TNR: variants seen among roughly 807,000 people sequenced by gnomAD.
TNR encodes the protein tenascin R, also known as tenascin-R.
In TNR, 45 loss-of-function variants were observed where a neutral mutation model predicts 150.4. That is an observed-to-expected ratio of 0.30 (90% CI 0.24 to 0.38). TNR has a LOEUF of 0.38. Ranked by LOEUF, TNR falls within the 10% of genes least tolerant of loss-of-function variation. The pLI is 1.00. For missense variants in TNR, 1,544 were observed against 1,759.1 expected, an observed-to-expected ratio of 0.88 and a Z score of 2.19; for synonymous variants, 687 against 678.4, an observed-to-expected ratio of 1.01 and a Z score of -0.20.
chr1:175,672,550 C>G (rs561390691), intron 1 of TNR, among the ~76,000 whole-genome samples: 1 of 152,206 alleles, frequency 6.6e-6, no homozygotes, highest in Non-Finnish European at 1.5e-5. Flanking sequence ...AGCCTTCACT[C>G]TCCATCCAAA....
At chr1:175,359,013 T>C (rs1345068278) in intron 15 of TNR, among the ~76,000 whole-genome samples, 4 of 152,142 alleles carry the variant, frequency 2.6e-5, no homozygotes, top group Non-Finnish European at 5.9e-5. Flanking sequence ...GTTCTGAGTT[T>C]CATCTTCCTA....
intron 1 of TNR, among the ~76,000 whole-genome samples, chr1:175,573,940 A>G (rs1237026708): frequency 1.3e-5 from 2 of 152,130 alleles, no homozygotes; most frequent in Non-Finnish European, 2.9e-5. Flanking sequence ...TAAAAACAAA[A>G]AACCTCAGTC....
intron 2 of TNR, among the ~76,000 whole-genome samples, chr1:175,479,641 G>A (rs901615530): frequency 5.9e-5 from 9 of 152,092 alleles, no homozygotes. Flanking sequence ...TCGGCCCCAC[G>A]TACTGCCTTG....
chr1:175,600,215 T>A (rs1663182922), intron 1 of TNR, among the ~76,000 whole-genome samples: 1 of 152,212 alleles, frequency 6.6e-6, no homozygotes, highest in Non-Finnish European at 1.5e-5. Flanking sequence ...AAAGAGGTGT[T>A]ATGAGGTGTA....
In TNR at chr1:175,324,455, T is replaced by G; in HGVS notation, c.3858A>C (p.Ala1286=). ...TGTACGACATGGCACAGTTAGTCAC[T>G]GCAACATCATTGTCTCTATCCTCTG... ...FSTEDRDNDV[A]VTNCAMSYKG... Residue 1286 remains alanine, a synonymous_variant, in exon 22 of 23, where the codon GCA becomes GCC. Coordinates refer to ENST00000367674, the MANE Select transcript of TNR (RefSeq NM_003285.3). 1.2e-6 allele frequency: 2 copies of G among 1,614,150 alleles called. No homozygotes were observed. Among genetic ancestry groups the G allele is most frequent in the Non-Finnish European group, 1.7e-6 (2 of 1,180,002 alleles).
chr1:175,334,240 T>G (rs189086983), intron 20 of TNR, among the ~76,000 whole-genome samples: 179 of 152,356 alleles, frequency 1.2e-3, no homozygotes, highest in African/African-American at 4.2e-3. Flanking sequence ...ACTGGCTGGC[T>G]GCCCTCCTCA....
In TNR at chr1:175,356,168, A is replaced by G. The variant is rs1571331618; in HGVS notation, c.3118+151T>C. The G allele has an allele frequency of 9.2e-6, 10 of 1,086,948 alleles. No homozygotes were observed. In the East Asian group the frequency reaches 2.5e-4, roughly 27 times the overall value. 67.3% of individuals were successfully genotyped at this position (1,086,948 alleles called of 1,614,324 possible). On this transcript the variant is annotated intron_variant, in intron 16 of 22. Transcript: ENST00000367674. ...TGGCCAAAAGTTGCAGCTTAGTTTC[A>G]CTGAATTTGGGCTGTAGTCAGTCCA... is the stretch of plus-strand genomic sequence containing the variant.
chr1:175,375,761 C>G (rs1369701059), intron 9 of TNR, among the ~76,000 whole-genome samples: 1 of 152,122 alleles, frequency 6.6e-6, no homozygotes, highest in Non-Finnish European at 1.5e-5. Context: ...CCAGCAAAGG[C>G]CAGGCTGCCA....
At chr1:175,570,910 T>C (rs914013434) in intron 1 of TNR, among the ~76,000 whole-genome samples, 45 of 152,202 alleles carry the variant, frequency 3.0e-4, no homozygotes, top group South Asian at 2.1e-4. Flanking sequence ...GGTTTTTTCA[T>C]TGGAGGCTAC....
chr1:175,355,942 C>G (rs544899097), intron 16 of TNR, among the ~76,000 whole-genome samples: 2 of 152,328 alleles, frequency 1.3e-5, no homozygotes, highest in South Asian at 4.1e-4. Flanking sequence ...TGCTTGTTCA[C>G]TCGTGAACTT....
chr1:175,573,380 G>A (rs945045991), intron 1 of TNR, among the ~76,000 whole-genome samples: 3 of 152,238 alleles, frequency 2.0e-5, no homozygotes, highest in Admixed American at 6.5e-5. Context: ...CAGCAGTCGT[G>A]TGGGAGAGCA....
intron 1 of TNR, among the ~76,000 whole-genome samples, chr1:175,596,598 G>T (rs1558029145): frequency 6.6e-6 from 1 of 151,840 alleles, no homozygotes; most frequent in African/African-American, 2.4e-5. Context: ...TCCAGTGTGG[G>T]AAAAAAAATC....
At chr1:175,340,748 A>G (rs1650482177) in intron 18 of TNR, among the ~76,000 whole-genome samples, 1 of 152,198 alleles carries the variant, frequency 6.6e-6, no homozygotes, top group Non-Finnish European at 1.5e-5. Flanking sequence ...GAGGCCAAGA[A>G]GTGGAATTGG....
chr1:175,591,206 G>A (rs1662783997), intron 1 of TNR, among the ~76,000 whole-genome samples: 1 of 152,188 alleles, frequency 6.6e-6, no homozygotes, highest in South Asian at 2.1e-4. Context: ...ATGCAGACTG[G>A]GAGCTGGCTG....
At chr1:175,417,076 A>AAAGAAAGAAAGC (rs1491457290) in intron 2 of TNR, among the ~76,000 whole-genome samples, 1 of 113,666 alleles carries the variant, frequency 8.8e-6, no homozygotes. Flanking sequence ...AGAAAGAAAG[A>AAAGAAAGAAAGC]AATCTAAGAA....
chr1:175,470,160 A>G (rs2102115954), intron 2 of TNR, among the ~76,000 whole-genome samples: 1 of 152,322 alleles, frequency 6.6e-6, no homozygotes, highest in African/African-American at 2.4e-5. Context: ...GAGAACTCGA[A>G]TAAGCAGCTG....
rs201441395 is a variant in TNR at position 175,446,545 on chromosome 1, G to GT, written c.-63-39769dup. 5.8e-3 allele frequency among the ~76,000 whole-genome samples: 886 copies of GT among 152,208 alleles called. 7 individuals are homozygous for GT. The highest frequency in any genetic ancestry group is 0.02 in the African/African-American group (828 of 41,522). ...ATTGCTATGAAGATAAAACTCATATGTATAGATCCATCGACAGATATGTAC... is the reference window on the plus strand; with the variant it reads ...ATTGCTATGAAGATAAAACTCATATGTTATAGATCCATCGACAGATATGTAC... On this transcript the variant is annotated intron_variant, in intron 2 of 22. Transcript: ENST00000367674.
intron 2 of TNR, among the ~76,000 whole-genome samples, chr1:175,456,357 A>G (rs565260053): frequency 6.6e-6 from 1 of 152,310 alleles, no homozygotes; most frequent in South Asian, 2.1e-4. Flanking sequence ...TATAGTATCC[A>G]TCACCTTCTA....
At chr1:175,353,267 T>C (rs1390954372) in intron 18 of TNR, among the ~76,000 whole-genome samples, 1 of 152,184 alleles carries the variant, frequency 6.6e-6, no homozygotes, top group Non-Finnish European at 1.5e-5. Flanking sequence ...CACCTCTCTG[T>C]GGCCCAATTT....
Sources: gnomAD v4.1 joint callset for allele counts (sites outside exome capture counted in the v4.1 genomes callset) on GRCh38, gnomAD v4.1.1 for gene constraint, MANE v1.5 for transcripts, NCBI Gene and HGNC (gene_info 2026-07-23, HGNC 2026-07-21) for gene names.